MKNK2: variants seen among roughly 807,000 people sequenced by gnomAD.
MKNK2 encodes MAP kinase-interacting serine/threonine-protein kinase 2.
In MKNK2, 54 loss-of-function variants were observed where a neutral mutation model predicts 55.0. The ratio of observed to expected loss-of-function variants is 0.98; its 90% CI spans 0.79 to 1.23. The LOEUF is 1.23. MKNK2 is among the 50% of genes most tolerant of loss of function. The probability of loss-of-function intolerance (pLI) is 0.00; values close to 1 mark genes in which losing one functional copy is unlikely to be tolerated. For missense variants in MKNK2, 685 were observed against 632.1 expected (o/e 1.08, Z -0.90); for synonymous variants, 323 against 256.0 (o/e 1.26, Z -2.50).
rs3833279 is a variant in MKNK2 at position 2,039,435 on chromosome 19, GA to G, written c.*177del. 105,454 of 1,328,652 alleles carry G rather than the reference GA, an allele frequency of 0.079. 3,988 individuals carry two copies. Among genetic ancestry groups the G allele is most frequent in the Admixed American group, 0.1 (3,320 of 32,480 alleles). 82.3% of individuals were successfully genotyped at this position (1,328,652 alleles called of 1,614,324 possible). A position where few individuals can be genotyped will look rare whatever the true frequency, so the allele number is the denominator to read the frequency against. On this transcript the variant is annotated 3_prime_UTR_variant, in exon 14 of 14. Coordinates refer to ENST00000250896, the MANE Select transcript of MKNK2 (RefSeq NM_199054.3). Reference sequence around the variant, plus strand: ...AAATAACGGGGAGGGGTGGAAACAGGAAAAAAAAAACCCAAAAGCAAAAACC... The same window carrying G: ...AAATAACGGGGAGGGGTGGAAACAGGAAAAAAAAACCCAAAAGCAAAAACC...
At position 2,041,175 on chromosome 19, in the gene MKNK2, G is replaced by A; in HGVS notation, c.975C>T (p.Gly325=). ...QNMLFESIQE[G]KYEFPDKDWA... Reference sequence around the variant, plus strand: ...AGTCCTTGTCGGGGAACTCGTACTTGCCCTCCTGGATGCTCTCAAACAGCA... The same window carrying A: ...AGTCCTTGTCGGGGAACTCGTACTTACCCTCCTGGATGCTCTCAAACAGCA... The change falls in exon 12 of 14, where the codon GGC becomes GGT. Residue 325 remains glycine, a synonymous_variant. Transcript: ENST00000250896. The A allele has an allele frequency of 6.8e-6, 11 of 1,613,890 alleles. No homozygotes were observed. The highest frequency in any genetic ancestry group is 2.2e-5 in the East Asian group (1 of 44,872).
rs891912980 is a variant in MKNK2, at chr19:2,039,334, G to A, written c.*279C>T. On this transcript the variant is annotated 3_prime_UTR_variant, in exon 14 of 14. Coordinates refer to ENST00000250896, the MANE Select transcript of MKNK2 (RefSeq NM_199054.3). ...GAGGTGAGCAGGGCGGGGGACCGGG[G>A]AGGGGACAAGCCCACCCACCTACCC... is the stretch of plus-strand genomic sequence containing the variant. 1.5e-6 allele frequency: 2 copies of A among 1,321,112 alleles called. No individual in the cohort carries two copies. Among genetic ancestry groups the A allele is most frequent in the Non-Finnish European group, 1.9e-6 (2 of 1,033,290 alleles). The allele number at this position is 1,321,112 out of a possible 1,614,324, so 81.8% of individuals were successfully genotyped here.
At chr19:2,049,956 C>T (rs1410817918) in intron 2 of MKNK2, among the ~76,000 whole-genome samples, 2 of 152,202 alleles carry the variant, frequency 1.3e-5, no homozygotes, top group African/African-American at 4.8e-5. Flanking sequence ...CTCTCTCTTC[C>T]TCTCTCCAGT....
Position 2,038,034 on chromosome 19 carries a change from C to G in MKNK2, c.*1579G>C. The G allele has an allele frequency of 7.6e-7, 1 of 1,307,404 alleles. No individual in the cohort carries two copies. Among genetic ancestry groups the G allele is most frequent in the Non-Finnish European group, 9.8e-7 (1 of 1,018,578 alleles). 81.0% of individuals were successfully genotyped at this position (1,307,404 alleles called of 1,614,324 possible). On this transcript the variant is annotated 3_prime_UTR_variant, in exon 14 of 14. Transcript: ENST00000250896. ...AAAGGGGTGGGCGGAATGCCCCACC[C>G]CCCCCAGGGGTCTTTGGAAGGGGCA... is the stretch of plus-strand genomic sequence containing the variant.
intron 13 of MKNK2, 98 bp downstream of exon 13, chr19:2,040,036 C>T (rs2016841631): frequency 1.4e-6 from 2 of 1,446,790 alleles, no homozygotes; most frequent in Non-Finnish European, 9.5e-7. Context: ...GCCTGCCTCC[C>T]CGACCCCAAA....
Position 2,038,871 on chromosome 19 carries a change from C to T in MKNK2, c.*742G>A. ...TGTGGAGGGGAGGGGCAGCGGCGAG[C>T]CCCTGGGGTCAGCTGCAGTTTAAGG... On this transcript the variant is annotated 3_prime_UTR_variant, in exon 14 of 14. Coordinates refer to ENST00000250896, the MANE Select transcript of MKNK2 (RefSeq NM_199054.3). The T allele has an allele frequency of 2.0e-6, 2 of 985,766 alleles. No individual in the cohort carries two copies. Among genetic ancestry groups the T allele is most frequent in the Non-Finnish European group, 2.4e-6 (2 of 829,978 alleles). 61.1% of individuals were successfully genotyped at this position (985,766 alleles called of 1,614,324 possible).
Position 2,038,295 on chromosome 19 carries a change from G to A in MKNK2, c.*1318C>T, listed in dbSNP as rs918188285. Reference sequence around the variant, plus strand: ...AAAACTAAACAGGAGGAAGAATCCCGACCGCGGATTTAGAAGCCAGAGGGG... The same window carrying A: ...AAAACTAAACAGGAGGAAGAATCCCAACCGCGGATTTAGAAGCCAGAGGGG... On this transcript the variant is annotated 3_prime_UTR_variant, in exon 14 of 14. Transcript: ENST00000250896. The A allele has an allele frequency of 2.4e-5, 24 of 986,606 alleles. No homozygotes were observed. In the South Asian group the frequency reaches 4.2e-4, roughly 17 times the overall value. The allele number at this position is 986,606 out of a possible 1,614,324, so 61.1% of individuals were successfully genotyped here. A position where few individuals can be genotyped will look rare whatever the true frequency, so the allele number is the denominator to read the frequency against.
chr19:2,048,402 G>A (rs367633860), intron 2 of MKNK2, among the ~76,000 whole-genome samples: 69 of 152,146 alleles, frequency 4.5e-4, no homozygotes, highest in Non-Finnish European at 9.0e-4. Context: ...GGCCCTTTAC[G>A]AGGGGCCGGG....
rs901534303 is a variant in MKNK2, at chr19:2,041,298, T to C, written c.946-94A>G. ...CTCCAACCGGACCCCAACCAGGCCC[T>C]AGACCAGGCCCTAGACCACGCACGC... On this transcript the variant is annotated intron_variant, in intron 11 of 13. Transcript: ENST00000250896. 1.2e-5 allele frequency: 16 copies of C among 1,390,408 alleles called. No homozygotes were observed. The African/African-American group carries it at 2.1e-4, about 19-fold the overall frequency. The allele number at this position is 1,390,408 out of a possible 1,614,324, so 86.1% of individuals were successfully genotyped here. A position where few individuals can be genotyped will look rare whatever the true frequency, so the allele number is the denominator to read the frequency against.
chr19:2,040,980 T>A (rs528283994), intron 12 of MKNK2, 60 bp downstream of exon 12: 1 of 1,558,072 alleles, frequency 6.4e-7, no homozygotes, highest in East Asian at 2.2e-5. Flanking sequence ...CCATGCTCGC[T>A]CTGAGGCCAC....
chr19:2,050,524 C>T (rs1599388002), intron 2 of MKNK2, among the ~76,000 whole-genome samples: 1 of 152,210 alleles, frequency 6.6e-6, no homozygotes, highest in Non-Finnish European at 1.5e-5. Context: ...CAGCCTGGTG[C>T]CCTGACCCGG....
At chr19:2,039,993 C>A in intron 13 of MKNK2, 137 bp from the exon 14 acceptor site, 2 of 1,380,556 alleles carry the variant, frequency 1.4e-6, no homozygotes, top group African/African-American at 1.4e-5. Context: ...AGCACCAGGG[C>A]CCCACCGGGA....
In MKNK2 at chr19:2,039,674, T is replaced by G. The variant is rs1198784556; in HGVS notation, c.1337A>C (p.Gln446Pro). The change falls in exon 14 of 14, where the codon CAG becomes CCG. Residue 446 changes from glutamine to proline, a missense_variant. By Grantham distance (76) the Gln-to-Pro change is moderately conservative. Coordinates refer to ENST00000250896, the MANE Select transcript of MKNK2 (RefSeq NM_199054.3). ...LSPPSQSKLA[Q>P]RRQRASLSSA... is the part of the protein sequence containing the mutation. ...GGACAGACTGGCCCTTTGCCGCCGC[T>G]GCGCCAGCTTGGACTGGGAGGGTGG... is the stretch of plus-strand genomic sequence containing the variant. The G allele has an allele frequency of 6.2e-7, 1 of 1,613,206 alleles. No homozygotes were observed. The highest frequency in any genetic ancestry group is 2.2e-5 in the East Asian group (1 of 44,874).
chr19:2,048,678 G>A (rs2017049878), intron 2 of MKNK2, among the ~76,000 whole-genome samples: 1 of 152,130 alleles, frequency 6.6e-6, no homozygotes, highest in African/African-American at 2.4e-5. Flanking sequence ...CAGGAGATGG[G>A]TGGAGGCCAG....
At chr19:2,043,343 C>A in intron 6 of MKNK2, 146 bp from the exon 7 acceptor site, 1 of 1,001,712 alleles carries the variant, frequency 1.0e-6, no homozygotes, top group Admixed American at 1.9e-5. Context: ...CTTCACACTG[C>A]CCGCCTGGGG....
In MKNK2 at chr19:2,038,408, T is replaced by C. The variant is rs2145680799; in HGVS notation, c.*1205A>G. On this transcript the variant is annotated 3_prime_UTR_variant, in exon 14 of 14. Transcript: ENST00000250896. ...GCACTTCTAAAGTGGAACCCTGTAT[T>C]GCATAGAACGTCCCCACCCGCGGGG... 1.0e-6 allele frequency: 1 copy of C among 985,554 alleles called. No homozygotes were observed. Among genetic ancestry groups the C allele is most frequent in the Admixed American group, 6.1e-5 (1 of 16,272 alleles). The allele number at this position is 985,554 out of a possible 1,614,324, so 61.1% of individuals were successfully genotyped here.
chr19:2,041,221 C>T lies in MKNK2; in HGVS notation c.946-17G>A. On this transcript the variant is annotated splice_polypyrimidine_tract_variant and intron_variant, in intron 11 of 13. Coordinates refer to ENST00000250896, the MANE Select transcript of MKNK2 (RefSeq NM_199054.3). The stretch of plus-strand genomic sequence containing the variant: ...CAGCATGTTCTGGGGACATAGAACA[C>T]AGGGGAGCTTAGACCTGCCCAAGGG... 1 of 1,605,052 alleles carries T rather than the reference C, an allele frequency of 6.2e-7. No individual in the cohort carries two copies. The highest frequency in any genetic ancestry group is 1.1e-5 in the South Asian group (1 of 89,662).
chr19:2,047,070 G>A (rs2017016697), intron 2 of MKNK2, among the ~76,000 whole-genome samples: 1 of 152,214 alleles, frequency 6.6e-6, no homozygotes. Context: ...AAAGTGCTGG[G>A]ATCACAGGTG....
intron 2 of MKNK2, 48 bp from the exon 3 acceptor site, chr19:2,046,739 C>G: frequency 7.2e-7 from 1 of 1,395,496 alleles, no homozygotes; most frequent in Non-Finnish European, 9.6e-7. Flanking sequence ...TCCCTGCCCA[C>G]GCAGCAGGGA....
Sources: allele counts gnomAD v4.1 joint callset (sites outside exome capture counted in the v4.1 genomes callset), GRCh38; gene constraint gnomAD v4.1.1; transcripts MANE v1.5; gene names NCBI Gene and HGNC (gene_info 2026-07-23, HGNC 2026-07-21).